SIPA1L2: variants seen among roughly 807,000 people sequenced by gnomAD.
SIPA1L2 encodes the protein signal-induced proliferation-associated 1-like protein 2.
Under a neutral mutation model 163.9 loss-of-function variants are expected in SIPA1L2, and 56 were observed. The ratio of observed to expected loss-of-function variants is 0.34; its 90% CI spans 0.28 to 0.43. SIPA1L2 has a LOEUF of 0.43. Among genes scored for constraint, SIPA1L2 ranks in the 20% least tolerant of loss-of-function variants. SIPA1L2 has a pLI of 1.00. For synonymous variants in SIPA1L2, 877 were observed against 865.7 expected, an observed-to-expected ratio of 1.01 and a Z score of -0.23; for missense variants, 1,974 against 2,193.5, an observed-to-expected ratio of 0.90 and a Z score of 2.00.
At chr1:232,496,638 T>C (rs2103007537) in intron 3 of SIPA1L2, among the ~76,000 whole-genome samples, 1 of 152,166 alleles carries the variant, frequency 6.6e-6, no homozygotes, top group South Asian at 2.1e-4. Context: ...AGTAGTATAC[T>C]GTCACTATAT....
In SIPA1L2 at chr1:232,514,225, C is replaced by T. The variant is rs1213079173; in HGVS notation, c.1115G>A (p.Gly372Asp). ...AGGGGACTCACAGTTGCCTGTCTGG[C>T]CCGTAGGCATCTGAGTCTGGGATGC... ...SAASQTQMPT[G>D]QTGNCESPLG... Residue 372 changes from glycine (G) to aspartate (D), a missense_variant, in exon 3 of 23, where the codon GGC (glycine) becomes GAC (aspartate). Gly to Asp is a moderately conservative substitution (Grantham distance 94). This residue lies in a region of SIPA1L2 where 607 missense variants were observed against 624.0 expected (regional missense o/e 0.97). Transcript: ENST00000674635. 4 of 1,614,208 alleles carry T rather than the reference C, an allele frequency of 2.5e-6. No individual in the cohort carries two copies. Among genetic ancestry groups the T allele is most frequent in the Non-Finnish European group, 3.4e-6 (4 of 1,180,040 alleles).
At position 232,513,838 on chromosome 1, in the gene SIPA1L2, G is replaced by A. The variant is rs369894594; in HGVS notation, c.1483+19C>T. On this transcript the variant is annotated intron_variant, in intron 3 of 22. Coordinates refer to ENST00000674635, the MANE Select transcript of SIPA1L2 (RefSeq NM_020808.5). Reference sequence around the variant, plus strand: ...AACTACTCCCGAGACACATGCAAACGCCCATGGCTCTTCCTTACCTTTCCC... The same window carrying A: ...AACTACTCCCGAGACACATGCAAACACCCATGGCTCTTCCTTACCTTTCCC... The A allele has an allele frequency of 2.3e-5, 36 of 1,538,460 alleles. No individual in the cohort carries two copies. Among genetic ancestry groups the A allele is most frequent in the East Asian group, 4.5e-5 (2 of 44,372 alleles).
chr1:232,534,468 T>A (rs77140866), intron 2 of SIPA1L2, among the ~76,000 whole-genome samples: 1 of 152,338 alleles, frequency 6.6e-6, no homozygotes, highest in East Asian at 1.9e-4. Flanking sequence ...CGCTTCACCA[T>A]ATAGATTTGG....
chr1:232,460,175 A>G (rs1664155413), intron 10 of SIPA1L2, among the ~76,000 whole-genome samples: 1 of 152,016 alleles, frequency 6.6e-6, no homozygotes, highest in East Asian at 1.9e-4. Context: ...CTTAATTAGC[A>G]TTCTTTCTCC....
intron 1 of SIPA1L2, among the ~76,000 whole-genome samples, chr1:232,607,626 TCC>T (rs1661996668): frequency 6.6e-6 from 1 of 152,044 alleles, no homozygotes; most frequent in South Asian, 2.1e-4. Flanking sequence ...TCCCCACTTC[TCC>T]TCGTATTTAT....
chr1:232,507,885 G>C (rs773648723), intron 3 of SIPA1L2, among the ~76,000 whole-genome samples: 2 of 152,160 alleles, frequency 1.3e-5, no homozygotes, highest in Non-Finnish European at 2.9e-5. Context: ...AGTAATAGCA[G>C]GAGTAAGCTC....
chr1:232,426,123 G>T (rs1025463569), intron 17 of SIPA1L2, among the ~76,000 whole-genome samples: 1 of 152,118 alleles, frequency 6.6e-6, no homozygotes, highest in African/African-American at 2.4e-5. Flanking sequence ...ATAGTTCCTG[G>T]AGTTATATAA....
intron 1 of SIPA1L2, among the ~76,000 whole-genome samples, chr1:232,593,725 G>A (rs35215885): frequency 0.16 from 24,676 of 151,912 alleles, 2,110 homozygotes; most frequent in Middle Eastern, 0.24. Flanking sequence ...TAACACACAC[G>A]CACACACAAA....
chr1:232,474,217 A>G (rs1664926819), intron 7 of SIPA1L2, among the ~76,000 whole-genome samples: 1 of 152,228 alleles, frequency 6.6e-6, no homozygotes, highest in Non-Finnish European at 1.5e-5. Context: ...GACAATTTTC[A>G]GTGATGTCAA....
chr1:232,520,498 G>A lies in SIPA1L2; in HGVS notation c.-269-4890C>T, dbSNP rs532611502. 3.3e-5 allele frequency among the ~76,000 whole-genome samples: 5 copies of A among 152,242 alleles called. 1 individual carries two copies. Among genetic ancestry groups the A allele is most frequent in the Middle Eastern group, 6.8e-3 (2 of 292 alleles). ...GTCTTTAAATAAGATGTTTTTCGAC[G>A]TTTTCCATGAGACATCAGTGAGTCT... On this transcript the variant is annotated intron_variant, in intron 2 of 22. Coordinates refer to ENST00000674635, the MANE Select transcript of SIPA1L2 (RefSeq NM_020808.5).
intron 18 of SIPA1L2, among the ~76,000 whole-genome samples, chr1:232,420,507 G>A (rs1054374461): frequency 6.6e-6 from 1 of 152,054 alleles, no homozygotes; most frequent in African/African-American, 2.4e-5. Flanking sequence ...GCTCTCCCAA[G>A]CCTCAGGAGC....
At chr1:232,487,302 G>A (rs971042313) in intron 5 of SIPA1L2, among the ~76,000 whole-genome samples, 4 of 152,116 alleles carry the variant, frequency 2.6e-5, no homozygotes, top group Admixed American at 6.5e-5. Flanking sequence ...GAATTGTCTC[G>A]AGCATATCTT....
intron 7 of SIPA1L2, among the ~76,000 whole-genome samples, chr1:232,478,543 C>G (rs1273694370): frequency 6.6e-6 from 1 of 152,164 alleles, no homozygotes; most frequent in Non-Finnish European, 1.5e-5. Context: ...GAAAAATTCT[C>G]TGTGACAATT....
chr1:232,441,541 A>C, intron 13 of SIPA1L2, 147 bp from the exon 14 acceptor site: 1 of 798,228 alleles, frequency 1.3e-6, no homozygotes, highest in Non-Finnish European at 2.1e-6. Flanking sequence ...GATATGTCAC[A>C]AAAGTATACA....
chr1:232,465,218 C>A lies in SIPA1L2; in HGVS notation c.2442G>T (p.Glu814Asp), dbSNP rs990578000. The A allele has an allele frequency of 6.2e-7, 1 of 1,614,054 alleles. No homozygotes were observed. Among genetic ancestry groups the A allele is most frequent in the Non-Finnish European group, 8.5e-7 (1 of 1,180,042 alleles). ...TRQEYLKDLA[E>D]NFVTTATVDT... ...CCACGGTGGCGGTTGTGACAAAGTT[C>A]TCCGCCAGATCTTTCAAGTACTCCT... The change falls in exon 9 of 23, where the codon GAG (glutamate) becomes GAT (aspartate). Residue 814 changes from glutamate to aspartate, a missense_variant. Coordinates refer to ENST00000674635, the MANE Select transcript of SIPA1L2 (RefSeq NM_020808.5). This position sits in a 1 kb window ranked among gnomAD's most constrained non-coding sequence, Gnocchi z 4.1.
rs552427690 is a variant in SIPA1L2 at position 232,433,162 on chromosome 1, T to C, written c.4032-691A>G. ...CAATGGCAGCAACCCAAATCATCAA[T>C]AGTAGAAGGATATTCGATTAATAAC... On this transcript the variant is annotated intron_variant, in intron 15 of 22. Transcript: ENST00000674635. 9.2e-5 allele frequency among the ~76,000 whole-genome samples: 14 copies of C among 152,260 alleles called. 1 individual carries two copies. Among genetic ancestry groups the C allele is most frequent in the African/African-American group, 3.4e-4 (14 of 41,548 alleles).
chr1:232,415,730 T>A (rs1438393693), intron 18 of SIPA1L2, 105 bp from the exon 19 acceptor site: 1 of 1,493,548 alleles, frequency 6.7e-7, no homozygotes, highest in African/African-American at 1.4e-5. Flanking sequence ...AGTCAGTCAG[T>A]CAGAACACGG....
At chr1:232,488,364 G>C (rs1224720561) in intron 5 of SIPA1L2, among the ~76,000 whole-genome samples, 2 of 152,132 alleles carry the variant, frequency 1.3e-5, no homozygotes, top group Non-Finnish European at 2.9e-5. Context: ...AATGAATAAA[G>C]AAACAGCACC....
At chr1:232,488,431 T>C (rs887660181) in intron 5 of SIPA1L2, among the ~76,000 whole-genome samples, 2 of 152,190 alleles carry the variant, frequency 1.3e-5, no homozygotes, top group African/African-American at 4.8e-5. Context: ...TAAGGATTCT[T>C]TGGAAACTGG....
Sources: gnomAD v4.1 joint callset for allele counts (sites outside exome capture counted in the v4.1 genomes callset) on GRCh38, gnomAD v4.1.1 for gene constraint, gnomAD v4.1.1 regional missense constraint, Gnocchi (gnomAD v3.1) non-coding constraint, MANE v1.5 for transcripts, NCBI Gene and HGNC (gene_info 2026-07-23, HGNC 2026-07-21) for gene names.